Variants in ERBB2 observed in about 807,000 individuals in gnomAD.
ERBB2 encodes the protein erb-b2 receptor tyrosine kinase 2, also known as receptor tyrosine-protein kinase erbB-2.
Under a neutral mutation model 149.0 loss-of-function variants are expected in ERBB2, and 61 were observed. The ratio of observed to expected loss-of-function variants is 0.41; its 90% CI spans 0.33 to 0.51. ERBB2 has a LOEUF of 0.51. Among genes scored for constraint, ERBB2 ranks in the 20% least tolerant of loss-of-function variants. The probability of loss-of-function intolerance (pLI) is 0.25; values close to 1 mark genes in which losing one functional copy is unlikely to be tolerated. For missense variants in ERBB2, 1,205 were observed against 1,655.1 expected (o/e 0.73, Z 4.72); for synonymous variants, 633 against 678.8 (o/e 0.93, Z 1.05).
At chr17:39,697,881 A>G (rs762467081), upstream of ERBB2, among the ~76,000 whole-genome samples, 13 of 151,744 alleles carry the variant, frequency 8.6e-5, no homozygotes, top group Admixed American at 2.0e-4. Flanking sequence ...TTTAGTAGAG[A>G]TGGGGTTTTG....
At position 39,723,483 on chromosome 17, in the gene ERBB2, C is replaced by CCCGCGTGGGGTCTGCA; in HGVS notation, c.2085+30_2086-36dup. 1 of 1,613,912 alleles carries CCCGCGTGGGGTCTGCA rather than the reference C, an allele frequency of 6.2e-7. No individual in the cohort carries two copies. The highest frequency in any genetic ancestry group is 8.5e-7 in the Non-Finnish European group (1 of 1,179,932). On this transcript the variant is annotated intron_variant, in intron 17 of 26. Coordinates refer to ENST00000269571, the MANE Select transcript of ERBB2 (RefSeq NM_004448.4). This position sits in a 1 kb window ranked among gnomAD's most constrained non-coding sequence, Gnocchi z 6.2. The stretch of plus-strand genomic sequence containing the variant: ...GTGAGGCGGGGTGAAGTCCTCCCAG[C>CCCGCGTGGGGTCTGCA]CCGCGTGGGGTCTGCACCGGCCCCC...
rs749135327 is a variant in ERBB2 at position 39,725,238 on chromosome 17, GGTGGA to G, written c.2649+39_2649+43del. On this transcript the variant is annotated intron_variant, in intron 21 of 26. Coordinates refer to ENST00000269571, the MANE Select transcript of ERBB2 (RefSeq NM_004448.4). The surrounding 1 kb of genome is among the most constrained non-coding windows in gnomAD (Gnocchi z 4.6). The stretch of plus-strand genomic sequence containing the variant: ...AAGGACCAAGGAGCAGAGGAGGCTG[GGTGGA>G]GTGGTGTCTAGCCCATGGGAGAACT... 1.4e-5 allele frequency: 23 copies of G among 1,613,958 alleles called. No homozygotes were observed. Among genetic ancestry groups the G allele is most frequent in the Middle Eastern group, 1.6e-4 (1 of 6,062 alleles).
rs1021403569 is a variant in ERBB2, at chr17:39,706,994, C to T, written c.78C>T (p.Cys26=). ...LPPGAASTQV[C]TGTDMKLRLP... is the part of the protein sequence containing the mutation. ...CCATCTGCTCTCTCCTGCCAGTGTG[C>T]ACCGGCACAGACATGAAGCTGCGGC... Residue 26 remains cysteine, a synonymous_variant, in exon 2 of 27, where the codon TGC becomes TGT. Coordinates refer to ENST00000269571, the MANE Select transcript of ERBB2 (RefSeq NM_004448.4). 5 of 1,580,532 alleles carry T rather than the reference C, an allele frequency of 3.2e-6. No individual in the cohort carries two copies. Among genetic ancestry groups the T allele is most frequent in the African/African-American group, 1.4e-5 (1 of 73,788 alleles).
chr17:39,724,995 T>G (rs764462694), intron 20 of ERBB2, 54 bp from the exon 21 acceptor site: 6 of 1,609,670 alleles, frequency 3.7e-6, no homozygotes, highest in Non-Finnish European at 5.1e-6. Context: ...TTGCTGGGCA[T>G]GTGGCCAGGC....
chr17:39,708,774 C>T (rs895805417), intron 3 of ERBB2, among the ~76,000 whole-genome samples: 4 of 152,168 alleles, frequency 2.6e-5, no homozygotes, highest in African/African-American at 9.7e-5. Context: ...TTTGCCCCCA[C>T]TTGGCTGAGT....
rs923526706 is a variant in ERBB2 at position 39,700,224 on chromosome 17, G to A, written c.-15G>A. On this transcript the variant is annotated 5_prime_UTR_variant, in exon 1 of 27. Transcript: ENST00000269571. ...GTCCAGCCGGAGCCATGGGGCCGGA[G>A]CCGCAGTGAGCACCATGGAGCTGGC... 14 of 1,441,388 alleles carry A rather than the reference G, an allele frequency of 9.7e-6. No individual in the cohort carries two copies. Among genetic ancestry groups the A allele is most frequent in the Non-Finnish European group, 1.3e-5 (14 of 1,101,794 alleles). The allele number at this position is 1,441,388 out of a possible 1,614,324, so 89.3% of individuals were successfully genotyped here. A position where few individuals can be genotyped will look rare whatever the true frequency, so the allele number is the denominator to read the frequency against.
chr17:39,725,413 G>C lies in ERBB2; in HGVS notation c.2725+11G>C, dbSNP rs763563796. 1.9e-6 allele frequency: 3 copies of C among 1,612,306 alleles called. No individual in the cohort carries two copies. The South Asian group carries it at 3.3e-5, about 18-fold the overall frequency. ...ATGTGTGGAGTTATGGTGTGTGATG[G>C]GGGGTGTTGGGAGGGGTGGGTGAGG... On this transcript the variant is annotated intron_variant, in intron 22 of 26. Coordinates refer to ENST00000269571, the MANE Select transcript of ERBB2 (RefSeq NM_004448.4). This position sits in a 1 kb window ranked among gnomAD's most constrained non-coding sequence, Gnocchi z 4.6.
rs2145517065 is a variant in ERBB2 at position 39,710,342 on chromosome 17, C to T, written c.762C>T (p.Ala254=). 1.2e-6 allele frequency: 2 copies of T among 1,614,164 alleles called. No homozygotes were observed. Among genetic ancestry groups the T allele is most frequent in the East Asian group, 2.2e-5 (1 of 44,884 alleles). Residue 254 remains alanine, a splice_region_variant and synonymous_variant, in exon 7 of 27, where the codon GCC becomes GCT. Transcript: ENST00000269571. ...CTGPKHSDCL[A]CLHFNHSGIC... ...AAGCCAGCCACCTGTCCCCCCAGGCCTGCCTCCACTTCAACCACAGTGGCA... is the reference window on the plus strand; with the variant it reads ...AAGCCAGCCACCTGTCCCCCCAGGCTTGCCTCCACTTCAACCACAGTGGCA...
rs2145404332 is a variant in ERBB2, at chr17:39,707,005, A to T, written c.89A>T (p.Asp30Val). 6.3e-7 allele frequency: 1 copy of T among 1,592,798 alleles called. No homozygotes were observed. The highest frequency in any genetic ancestry group is 8.6e-7 in the Non-Finnish European group (1 of 1,169,362). ...CTCCTGCCAGTGTGCACCGGCACAG[A>T]CATGAAGCTGCGGCTCCCTGCCAGT... ...AASTQVCTGT[D>V]MKLRLPASPE... is the part of the protein sequence containing the mutation. The change falls in exon 2 of 27, where the codon GAC becomes GTC. Residue 30 changes from aspartate (D) to valine (V), a missense_variant. Around this residue, in one of 6 missense-constraint regions of ERBB2, gnomAD observed 101 missense variants for 95.1 expected, o/e 1.06. Transcript: ENST00000269571.
Position 39,712,307 on chromosome 17 carries a change from C to T in ERBB2, c.1022-15C>T, listed in dbSNP as rs1338042374. ...GCTGAGACGGCCCCTTCCCCACCCACCCCCACCTCCTCAGTGTGCTATGGT... is the reference window on the plus strand; with the variant it reads ...GCTGAGACGGCCCCTTCCCCACCCATCCCCACCTCCTCAGTGTGCTATGGT... On this transcript the variant is annotated splice_polypyrimidine_tract_variant and intron_variant, in intron 8 of 26. Coordinates refer to ENST00000269571, the MANE Select transcript of ERBB2 (RefSeq NM_004448.4). The T allele has an allele frequency of 1.2e-6, 2 of 1,612,232 alleles. No homozygotes were observed. The highest frequency in any genetic ancestry group is 1.7e-6 in the Non-Finnish European group (2 of 1,178,652).
chr17:39,715,559 C>A (rs1004164107), intron 11 of ERBB2, 23 bp downstream of exon 11: 9 of 1,608,628 alleles, frequency 5.6e-6, no homozygotes, highest in East Asian at 2.2e-5. Context: ...AAAGAGGGGG[C>A]CTGATGGGGA....
At position 39,726,399 on chromosome 17, in the gene ERBB2, G is replaced by T. The variant is rs2059761805; in HGVS notation, c.2873-163G>T. On this transcript the variant is annotated intron_variant, in intron 23 of 26. Transcript: ENST00000269571. The surrounding 1 kb of genome is among the most constrained non-coding windows in gnomAD (Gnocchi z 5.1). ...AGGGAAACTAGAAGAGATGCCAAAG[G>T]TTCTGGCTGAAGACCCCAGAGTCTG... is the stretch of plus-strand genomic sequence containing the variant. 3.2e-6 allele frequency: 2 copies of T among 623,046 alleles called. No homozygotes were observed. Among genetic ancestry groups the T allele is most frequent in the East Asian group, 5.5e-5 (2 of 36,326 alleles). 38.6% of individuals were successfully genotyped at this position (623,046 alleles called of 1,614,324 possible).
intron 15 of ERBB2, 66 bp downstream of exon 15, chr17:39,717,546 A>C (rs1191643001): frequency 7.2e-7 from 1 of 1,393,752 alleles, no homozygotes; most frequent in African/African-American, 1.4e-5. Flanking sequence ...TGGGGCTCTT[A>C]CTATAAAAGG....
upstream of ERBB2, chr17:39,699,632 G>C: frequency 8.7e-7 from 1 of 1,142,994 alleles, no homozygotes; most frequent in Non-Finnish European, 1.3e-6. Flanking sequence ...TTTTACTAGA[G>C]GATGTGGTGG....
In ERBB2 at chr17:39,727,272, A is replaced by T. The variant is rs2143226496; in HGVS notation, c.3160-23A>T. On this transcript the variant is annotated intron_variant, in intron 25 of 26. Transcript: ENST00000269571. The surrounding 1 kb of genome is among the most constrained non-coding windows in gnomAD (Gnocchi z 4.3). Reference sequence around the variant, plus strand: ...CCCAGATCCGTGAGTGACCCCCATCATGACTTTCTTTCTTGTCCCCAGAGT... The same window carrying T: ...CCCAGATCCGTGAGTGACCCCCATCTTGACTTTCTTTCTTGTCCCCAGAGT... 2 of 1,610,672 alleles carry T rather than the reference A, an allele frequency of 1.2e-6. No individual in the cohort carries two copies. Among genetic ancestry groups the T allele is most frequent in the South Asian group, 2.2e-5 (2 of 90,714 alleles).
At chr17:39,719,599 C>T (rs573418333) in intron 15 of ERBB2, among the ~76,000 whole-genome samples, 188 bp from the exon 16 acceptor site, 2 of 152,342 alleles carry the variant, frequency 1.3e-5, no homozygotes, top group Non-Finnish European at 2.9e-5. Flanking sequence ...ATGCCGGTTC[C>T]TTGGCTGGAG....
At chr17:39,692,226 C>T (rs2057728482), upstream of ERBB2, among the ~76,000 whole-genome samples, 4 of 151,844 alleles carry the variant, frequency 2.6e-5, no homozygotes, top group African/African-American at 7.3e-5. Context: ...TGTATGTACA[C>T]CTATACACTT....
chr17:39,725,713 C>G lies in ERBB2; in HGVS notation c.2732C>G (p.Thr911Ser), dbSNP rs2059718056. ...HQSDVWSYGVTVWELMTFGAK... is the reference protein window; with the variant it reads ...HQSDVWSYGVSVWELMTFGAK... ...GACCCTGTCTCTGCCTTAGGTGTGA[C>G]TGTGTGGGAGCTGATGACTTTTGGG... Residue 911 changes from threonine (T) to serine (S), a missense_variant, in exon 23 of 27, where the codon ACT becomes AGT. Around this residue, in one of 6 missense-constraint regions of ERBB2, gnomAD observed 152 missense variants for 318.1 expected, o/e 0.48. Coordinates refer to ENST00000269571, the MANE Select transcript of ERBB2 (RefSeq NM_004448.4). The surrounding 1 kb of genome is among the most constrained non-coding windows in gnomAD (Gnocchi z 4.6). 6.2e-7 allele frequency: 1 copy of G among 1,611,924 alleles called. No homozygotes were observed. The highest frequency in any genetic ancestry group is 1.3e-5 in the African/African-American group (1 of 74,808).
rs952808668 is a variant in ERBB2, at chr17:39,725,393, T to C, written c.2716T>C (p.Trp906Arg). 2 of 1,595,204 alleles carry C rather than the reference T, an allele frequency of 1.3e-6. No homozygotes were observed. Among genetic ancestry groups the C allele is most frequent in the South Asian group, 1.1e-5 (1 of 90,620 alleles). The change falls in exon 22 of 27, where the codon TGG (tryptophan) becomes CGG (arginine). Residue 906 changes from tryptophan to arginine, a missense_variant. Physicochemically the swap from Trp to Arg is moderately radical, Grantham distance 101 (BLOSUM62 -3). Coordinates refer to ENST00000269571, the MANE Select transcript of ERBB2 (RefSeq NM_004448.4). This position sits in a 1 kb window ranked among gnomAD's most constrained non-coding sequence, Gnocchi z 4.6. ...GCGGTTCACCCACCAGAGTGATGTG[T>C]GGAGTTATGGTGTGTGATGGGGGGT... ...RRRFTHQSDVWSYGVTVWELM... is the reference protein window; with the variant it reads ...RRRFTHQSDVRSYGVTVWELM...
Sources: gnomAD v4.1 joint callset for allele counts (sites outside exome capture counted in the v4.1 genomes callset) on GRCh38, gnomAD v4.1.1 for gene constraint, gnomAD v4.1.1 regional missense constraint, Gnocchi (gnomAD v3.1) non-coding constraint, MANE v1.5 for transcripts, NCBI Gene and HGNC (gene_info 2026-07-23, HGNC 2026-07-21) for gene names.